The following CCDC15 variants were observed in gnomAD, a reference collection of about 807,000 sequenced individuals.
The protein encoded by CCDC15 is coiled-coil domain-containing protein 15.
Under a neutral mutation model 114.5 loss-of-function variants are expected in CCDC15, and 105 were observed. The observed-to-expected ratio is 0.92, with a 90% confidence interval of 0.78 to 1.08. The LOEUF (loss-of-function observed/expected upper bound fraction) is 1.08, where lower values mean the gene tolerates loss of function less well. Among genes scored for constraint, CCDC15 ranks in the 50% least tolerant of loss-of-function variants. The probability of loss-of-function intolerance (pLI) is 0.00; values close to 1 mark genes in which losing one functional copy is unlikely to be tolerated. For synonymous variants in CCDC15, 334 were observed against 377.8 expected (o/e 0.88, Z 1.34); for missense variants, 1,105 against 1,093.6 (o/e 1.01, Z -0.15).
At chr11:125,020,037 T>A (rs1283741835) in intron 13 of CCDC15, among the ~76,000 whole-genome samples, 1 of 151,930 alleles carries the variant, frequency 6.6e-6, no homozygotes, top group Non-Finnish European at 1.5e-5. Context: ...TATGAAACAT[T>A]AGAATTTATT....
At chr11:124,960,655 G>A (rs1947643648) in intron 4 of CCDC15, among the ~76,000 whole-genome samples, 1 of 152,048 alleles carries the variant, frequency 6.6e-6, no homozygotes, top group African/African-American at 2.4e-5. Flanking sequence ...CATATCCAGA[G>A]TTTTTGGAAA....
intron 4 of CCDC15, 36 bp from the exon 5 acceptor site, chr11:124,975,060 T>C: frequency 7.4e-7 from 1 of 1,354,336 alleles, no homozygotes; most frequent in Non-Finnish European, 1.0e-6. Context: ...AAACTTATCC[T>C]GCTTTTGTTT....
chr11:125,007,735 C>T (rs894835142), intron 13 of CCDC15, among the ~76,000 whole-genome samples: 2 of 152,154 alleles, frequency 1.3e-5, no homozygotes, highest in East Asian at 3.8e-4. Context: ...TACATCCTCA[C>T]CAGCTTTTGT....
intron 11 of CCDC15, among the ~76,000 whole-genome samples, chr11:125,000,077 G>A (rs937281618): frequency 6.6e-5 from 10 of 151,632 alleles, no homozygotes; most frequent in Admixed American, 1.3e-4. Flanking sequence ...TGGCCAGGCC[G>A]GTCTTGAACT....
intron 11 of CCDC15, among the ~76,000 whole-genome samples, chr11:125,000,140 G>T (rs529331551): frequency 6.6e-6 from 1 of 152,070 alleles, no homozygotes; most frequent in Admixed American, 6.5e-5. Context: ...TGGGATTACA[G>T]GCATGAGCCA....
rs1279072318 is a variant in CCDC15, at chr11:124,954,876, T to G, written c.144T>G (p.Pro48=). 3 of 1,613,996 alleles carry G rather than the reference T, an allele frequency of 1.9e-6. No individual in the cohort carries two copies. Among genetic ancestry groups the G allele is most frequent in the Non-Finnish European group, 2.5e-6 (3 of 1,179,870 alleles). ...TACCAGTTGGGGCATGGGTGGAACCTGCCTCACCAGGTAGTTCGGAAATCC... is the reference window on the plus strand; with the variant it reads ...TACCAGTTGGGGCATGGGTGGAACCGGCCTCACCAGGTAGTTCGGAAATCC... ...AIVPVGAWVE[P]ASPGSSEIPA... The change falls in exon 2 of 16, where the codon CCT becomes CCG. Residue 48 remains proline, a synonymous_variant. Coordinates refer to ENST00000344762, the MANE Select transcript of CCDC15 (RefSeq NM_025004.3).
intron 6 of CCDC15, among the ~76,000 whole-genome samples, chr11:124,982,179 G>A (rs551023142): frequency 2.5e-4 from 38 of 151,982 alleles, no homozygotes; most frequent in Admixed American, 3.9e-4. Context: ...GAGCCTATTG[G>A]TGTCATTTCA....
At chr11:124,973,403 A>T (rs1348601109) in intron 4 of CCDC15, among the ~76,000 whole-genome samples, 3 of 151,484 alleles carry the variant, frequency 2.0e-5, no homozygotes, top group Non-Finnish European at 2.9e-5. Flanking sequence ...TTGCATTGTG[A>T]ACAGCTCTAT....
intron 4 of CCDC15, among the ~76,000 whole-genome samples, chr11:124,965,161 G>A (rs1947751739): frequency 6.6e-6 from 1 of 152,150 alleles, no homozygotes; most frequent in Non-Finnish European, 1.5e-5. Context: ...CTCATAAAAT[G>A]AGTTAGGGAG....
chr11:124,958,467 G>A (rs1947593366), intron 2 of CCDC15, among the ~76,000 whole-genome samples: 2 of 151,944 alleles, frequency 1.3e-5, no homozygotes, highest in South Asian at 4.1e-4. Flanking sequence ...CCCTGGTTTA[G>A]AATATGTTTT....
chr11:124,993,714 A>G (rs1948310761), intron 11 of CCDC15, among the ~76,000 whole-genome samples: 1 of 152,178 alleles, frequency 6.6e-6, no homozygotes, highest in Non-Finnish European at 1.5e-5. Context: ...AGCAACAGAA[A>G]GCAAATTAGA....
rs1158664606 is a variant in CCDC15, at chr11:125,038,489, A to C, written c.2470A>C (p.Asn824His). ...YAAEQRILRM[N>H]FHEDPYSGEK... is the part of the protein sequence containing the mutation. ...TGCAGAGCAGAGGATCCTAAGAATG[A>C]ACTTTCATGAAGATCCATATTCAGG... Residue 824 changes from asparagine to histidine, a missense_variant, in exon 14 of 16, where the codon AAC becomes CAC. Coordinates refer to ENST00000344762, the MANE Select transcript of CCDC15 (RefSeq NM_025004.3). 11 of 1,583,092 alleles carry C rather than the reference A, an allele frequency of 6.9e-6. No individual in the cohort carries two copies. The highest frequency in any genetic ancestry group is 1.8e-5 in the Admixed American group (1 of 55,622).
intron 4 of CCDC15, among the ~76,000 whole-genome samples, chr11:124,967,892 C>G (rs994057680): frequency 6.6e-6 from 1 of 152,214 alleles, no homozygotes; most frequent in African/African-American, 2.4e-5. Flanking sequence ...AGTCAGGTCC[C>G]TCAGCTGCAG....
chr11:124,984,783 C>T (rs1201607611), intron 6 of CCDC15, among the ~76,000 whole-genome samples: 1 of 152,136 alleles, frequency 6.6e-6, no homozygotes, highest in Non-Finnish European at 1.5e-5. Flanking sequence ...CACGGTAGCC[C>T]TCTTCAAGGT....
At chr11:125,001,831 G>T (rs372743965) in intron 11 of CCDC15, among the ~76,000 whole-genome samples, 1 of 151,788 alleles carries the variant, frequency 6.6e-6, no homozygotes, top group Non-Finnish European at 1.5e-5. Flanking sequence ...TTTCTTCTTG[G>T]CTGTTAAGAA....
chr11:124,979,717 G>A (rs553673056), intron 6 of CCDC15, among the ~76,000 whole-genome samples: 161 of 152,234 alleles, frequency 1.1e-3, no homozygotes, highest in Non-Finnish European at 1.9e-3. Flanking sequence ...TGCAAATAGG[G>A]ATAGTTTGAC....
intron 13 of CCDC15, among the ~76,000 whole-genome samples, chr11:125,031,164 C>T (rs1948736012): frequency 6.6e-6 from 1 of 152,238 alleles, no homozygotes; most frequent in South Asian, 2.1e-4. Context: ...GGGAAGATTT[C>T]CCTTCAGGTC....
At chr11:125,033,408 C>A (rs1948754548) in intron 13 of CCDC15, among the ~76,000 whole-genome samples, 1 of 152,080 alleles carries the variant, frequency 6.6e-6, no homozygotes. Flanking sequence ...ATCTCGGGAT[C>A]CAATTATTTC....
chr11:125,035,714 CT>C (rs139390627), intron 13 of CCDC15, among the ~76,000 whole-genome samples: 1,604 of 152,002 alleles, frequency 0.011, 37 homozygotes, highest in African/African-American at 0.037. Context: ...TAATTTATTG[CT>C]TTTTATATTT....
Sources: gnomAD v4.1 joint callset for allele counts (sites outside exome capture counted in the v4.1 genomes callset) on GRCh38, gnomAD v4.1.1 for gene constraint, MANE v1.5 for transcripts, NCBI Gene and HGNC (gene_info 2026-07-23, HGNC 2026-07-21) for gene names.